Variants in SLC26A3 observed in about 807,000 individuals in gnomAD.
SLC26A3 encodes solute carrier family 26 member 3.
A neutral mutation model predicts 85.6 loss-of-function variants in SLC26A3; 64 were observed. The ratio of observed to expected loss-of-function variants is 0.75; its 90% CI spans 0.61 to 0.92. The LOEUF (loss-of-function observed/expected upper bound fraction) is 0.92. SLC26A3 is among the 40% of genes least tolerant of loss of function. SLC26A3 has a pLI of 0.00. For synonymous variants in SLC26A3, 349 were observed against 336.0 expected (o/e 1.04, Z -0.42); for missense variants, 922 against 927.3 (o/e 0.99, Z 0.07).
intron 17 of SLC26A3, 117 bp downstream of exon 17, chr7:107,773,803 G>A (rs759884133): frequency 1.7e-5 from 14 of 843,330 alleles, no homozygotes; most frequent in East Asian, 8.1e-5. Context: ...CACCCACCTC[G>A]GCCTCCCAAA....
chr7:107,776,556 A>T lies in SLC26A3; in HGVS notation c.1585-12T>A. 1.6e-5 allele frequency: 26 copies of T among 1,612,692 alleles called. No homozygotes were observed. The highest frequency in any genetic ancestry group is 1.6e-5 in the Non-Finnish European group (19 of 1,178,646). On this transcript the variant is annotated splice_polypyrimidine_tract_variant and intron_variant, in intron 14 of 20. Transcript: ENST00000340010. ...TCTGGCTCATACATCTGTAAGGCAGAGAAGCATTGTTAGGTGTTGCCCATT... is the reference window on the plus strand; with the variant it reads ...TCTGGCTCATACATCTGTAAGGCAGTGAAGCATTGTTAGGTGTTGCCCATT...
At chr7:107,795,281 A>G (rs1794476521) in intron 1 of SLC26A3, among the ~76,000 whole-genome samples, 1 of 152,208 alleles carries the variant, frequency 6.6e-6, no homozygotes, top group African/African-American at 2.4e-5. Flanking sequence ...GATTGTGAAG[A>G]TTAAATAAGG....
At chr7:107,787,530 A>C in intron 6 of SLC26A3, 21 bp from the exon 7 acceptor site, 1 of 1,606,754 alleles carries the variant, frequency 6.2e-7, no homozygotes, top group Non-Finnish European at 8.5e-7. Context: ...AAAAACAAAA[A>C]CCACCAAAGC....
At chr7:107,801,665 T>C (rs1407530341) in intron 1 of SLC26A3, among the ~76,000 whole-genome samples, 1 of 152,196 alleles carries the variant, frequency 6.6e-6, no homozygotes, top group Non-Finnish European at 1.5e-5. Flanking sequence ...ATTAAACATT[T>C]GTTCATTTCT....
chr7:107,781,440 A>G (rs183093911), intron 11 of SLC26A3, among the ~76,000 whole-genome samples: 2 of 152,314 alleles, frequency 1.3e-5, no homozygotes, highest in Admixed American at 1.3e-4. Flanking sequence ...AATCTTGGAC[A>G]AGATTTGGTA....
At chr7:107,795,604 CTTG>C (rs1794482923) in intron 1 of SLC26A3, among the ~76,000 whole-genome samples, 3 of 152,158 alleles carry the variant, frequency 2.0e-5, no homozygotes, top group Admixed American at 2.0e-4. Flanking sequence ...GGACATACAG[CTTG>C]TTAACATGGC....
intron 18 of SLC26A3, among the ~76,000 whole-genome samples, chr7:107,769,396 AT>A (rs1004371566): frequency 2.6e-5 from 4 of 152,110 alleles, no homozygotes; most frequent in Admixed American, 2.6e-4. Flanking sequence ...ATAAAAACAT[AT>A]AAAAAAATTA....
chr7:107,789,714 C>G, intron 5 of SLC26A3, 26 bp from the exon 6 acceptor site: 1 of 1,605,898 alleles, frequency 6.2e-7, no homozygotes, highest in East Asian at 2.2e-5. Context: ...AAGCCTTTGT[C>G]AGCATAGATT....
intron 6 of SLC26A3, among the ~76,000 whole-genome samples, 181 bp from the exon 7 acceptor site, chr7:107,787,690 T>C (rs757670440): frequency 6.6e-6 from 1 of 152,222 alleles, no homozygotes; most frequent in Non-Finnish European, 1.5e-5. Flanking sequence ...GCGATGGAGA[T>C]ATGAGAAGAG....
chr7:107,789,641 A>T lies in SLC26A3; in HGVS notation c.618T>A (p.Ser206=). 6.2e-7 allele frequency: 1 copy of T among 1,614,144 alleles called. No individual in the cohort carries two copies. The change falls in exon 6 of 21, where the codon TCT becomes TCA. Residue 206 remains serine (S), a synonymous_variant. Coordinates refer to ENST00000340010, the MANE Select transcript of SLC26A3 (RefSeq NM_000111.3). ...TAGTGAAGCCACTGATGAGGGACTC[A>T]GACAGGTATATCACTACAAATCCAA... ...LRIGFVVIYL[S]ESLISGFTTA... is the part of the protein sequence containing the mutation.
intron 11 of SLC26A3, among the ~76,000 whole-genome samples, 175 bp from the exon 12 acceptor site, chr7:107,779,938 C>T (rs1228965789): frequency 6.6e-6 from 1 of 152,042 alleles, no homozygotes; most frequent in East Asian, 1.9e-4. Flanking sequence ...GGGACTCTGA[C>T]CTGTTCCTAT....
At chr7:107,783,450 T>G (rs1341049000) in intron 8 of SLC26A3, 98 bp from the exon 9 acceptor site, 15 of 1,412,860 alleles carry the variant, frequency 1.1e-5, no homozygotes, top group Middle Eastern at 3.6e-4. Flanking sequence ...CTAGGCTGAG[T>G]TGTGTCTCAC....
rs994496272 is a variant in SLC26A3, at chr7:107,803,121, C to T, written c.-99G>A. On this transcript the variant is annotated 5_prime_UTR_variant, in exon 1 of 21. Transcript: ENST00000340010. ...AAATTTGGTTCCTACCTGACACATA[C>T]TCTGTGAGGAGCTTCTGCAACAGTG... 14 of 152,308 alleles carry T rather than the reference C, an allele frequency of 9.2e-5. No individual in the cohort carries two copies. The highest frequency in any genetic ancestry group is 3.4e-4 in the African/African-American group (14 of 41,428). The allele number at this position is 152,308 out of a possible 1,614,324, so 9.4% of individuals were successfully genotyped here. A position where few individuals can be genotyped will look rare whatever the true frequency, so the allele number is the denominator to read the frequency against.
chr7:107,794,265 A>G, intron 2 of SLC26A3, 114 bp downstream of exon 2: 1 of 1,225,206 alleles, frequency 8.2e-7, no homozygotes. Context: ...CTAAAGAGGA[A>G]AGGACTGTAG....
chr7:107,801,510 C>G (rs1041205782), intron 1 of SLC26A3, among the ~76,000 whole-genome samples: 6 of 152,178 alleles, frequency 3.9e-5, no homozygotes, highest in Admixed American at 3.9e-4. Flanking sequence ...GGAGCCTCTT[C>G]TCTTCTCTTT....
chr7:107,792,512 G>T (rs1187308042), intron 3 of SLC26A3, among the ~76,000 whole-genome samples: 1 of 152,010 alleles, frequency 6.6e-6, no homozygotes, highest in African/African-American at 2.4e-5. Flanking sequence ...GATAGGGTTT[G>T]CACTCCTATG....
intron 1 of SLC26A3, 69 bp from the exon 2 acceptor site, chr7:107,794,666 G>C: frequency 1.3e-6 from 1 of 761,448 alleles, no homozygotes; most frequent in Non-Finnish European, 2.3e-6. Context: ...AGATGAGTGA[G>C]CTCCGAACTG....
rs776888978 is a variant in SLC26A3, at chr7:107,767,596, G to T, written c.2254C>A (p.Arg752Ser). The T allele has an allele frequency of 4.4e-6, 7 of 1,607,770 alleles. No homozygotes were observed. Among genetic ancestry groups the T allele is most frequent in the Non-Finnish European group, 6.0e-6 (7 of 1,174,746 alleles). Residue 752 changes from arginine (R) to serine (S), a missense_variant, in exon 20 of 21, where the codon CGT (arginine) becomes AGT (serine). Arg to Ser is a moderately radical substitution (Grantham distance 110). Coordinates refer to ENST00000340010, the MANE Select transcript of SLC26A3 (RefSeq NM_000111.3). ...DFTINTNGGL[R>S]NRVYEVPVET... ...AATCTTACCTCATATACCCGATTACGTAATCCTCCATTTGTATTTATGGTA... is the reference window on the plus strand; with the variant it reads ...AATCTTACCTCATATACCCGATTACTTAATCCTCCATTTGTATTTATGGTA...
chr7:107,789,536 A>AACTG lies in SLC26A3; in HGVS notation c.719_722dup (p.Ile243PhefsTer17), dbSNP rs1794356950. On this transcript the variant is annotated frameshift_variant, in exon 6 of 21. Coordinates refer to ENST00000340010, the MANE Select transcript of SLC26A3 (RefSeq NM_000111.3). LOFTEE classifies it high-confidence loss of function. ...AAGAAATACTTACTTTGAAAATTGA[A>AACTG]ACTGGATCAGTGTGTGACGGGACTG... 1 of 1,614,070 alleles carries AACTG rather than the reference A, an allele frequency of 6.2e-7. No homozygotes were observed.
Sources: allele counts gnomAD v4.1 joint callset (sites outside exome capture counted in the v4.1 genomes callset), GRCh38; gene constraint gnomAD v4.1.1; transcripts MANE v1.5; gene names NCBI Gene and HGNC (gene_info 2026-07-23, HGNC 2026-07-21).